Variants in PITPNM3 observed in about 807,000 individuals in gnomAD.
PITPNM3 encodes the protein PITPNM family member 3.
A neutral mutation model predicts 102.0 loss-of-function variants in PITPNM3; 26 were observed. The observed-to-expected ratio is 0.25, with a 90% CI of 0.19 to 0.35. The LOEUF (loss-of-function observed/expected upper bound fraction) is 0.35. PITPNM3 is among the 10% of genes least tolerant of loss of function. PITPNM3 has a pLI of 1.00. For missense variants in PITPNM3, 1,083 were observed against 1,346.1 expected, an observed-to-expected ratio of 0.80 and a Z score of 3.06; for synonymous variants, 578 against 558.6, an observed-to-expected ratio of 1.03 and a Z score of -0.49.
Position 6,556,179 on chromosome 17 carries a change from G to A in PITPNM3, c.22+206C>T, listed in dbSNP as rs1430268536. On this transcript the variant is annotated intron_variant, in intron 1 of 19. Coordinates refer to ENST00000262483, the MANE Select transcript of PITPNM3 (RefSeq NM_031220.4). The surrounding 1 kb of genome is among the most constrained non-coding windows in gnomAD (Gnocchi z 5.2). ...TGGAGAAGGGGACGCGGTGTCCCCCGAGGTGACCGGGGGCGCAGGAAGGAC... is the reference window on the plus strand; with the variant it reads ...TGGAGAAGGGGACGCGGTGTCCCCCAAGGTGACCGGGGGCGCAGGAAGGAC... Among the ~76,000 whole-genome samples the A allele has an allele frequency of 1.3e-5, 2 of 151,852 alleles. No homozygotes were observed. Among genetic ancestry groups the A allele is most frequent in the Admixed American group, 1.3e-4 (2 of 15,278 alleles).
chr17:6,531,598 T>A (rs187409648), intron 2 of PITPNM3, among the ~76,000 whole-genome samples: 1 of 152,330 alleles, frequency 6.6e-6, no homozygotes, highest in East Asian at 1.9e-4. Flanking sequence ...GAGTTCTGCA[T>A]CTCTGGCCTT....
intron 1 of PITPNM3, among the ~76,000 whole-genome samples, chr17:6,540,633 G>T (rs896233546): frequency 6.6e-6 from 1 of 151,932 alleles, no homozygotes. Context: ...TATTCTACTT[G>T]CTTTCAAAAT....
chr17:6,482,949 C>CT lies in PITPNM3; in HGVS notation c.587+567dup, dbSNP rs139179907. 8.6e-3 allele frequency among the ~76,000 whole-genome samples: 1,246 copies of CT among 144,278 alleles called. 7 individuals carry two copies. The highest frequency in any genetic ancestry group is 0.035 in the Middle Eastern group (10 of 282). 94.7% of individuals were successfully genotyped at this position (144,278 alleles called of 152,430 possible). A position where few individuals can be genotyped will look rare whatever the true frequency, so the allele number is the denominator to read the frequency against. On this transcript the variant is annotated intron_variant, in intron 6 of 19. Transcript: ENST00000262483. Reference sequence around the variant, plus strand: ...TAGCTAAACTCTCAACACTCCGTGTCTTTTTTTTTTTTTGAGACAGAGTCT... The same window carrying CT: ...TAGCTAAACTCTCAACACTCCGTGTCTTTTTTTTTTTTTTGAGACAGAGTCT...
At chr17:6,480,345 C>T (rs1024720200) in intron 6 of PITPNM3, 2 of 152,208 alleles carry the variant, frequency 1.3e-5, no homozygotes, top group African/African-American at 4.8e-5. Context: ...AAAGGAAGGC[C>T]CAGGGAAGGG....
At chr17:6,544,654 T>TCTCTCTCTCACA (rs376230474) in intron 1 of PITPNM3, among the ~76,000 whole-genome samples, 2,479 of 130,198 alleles carry the variant, frequency 0.019, 38 homozygotes, top group Admixed American at 0.055. Flanking sequence ...TCTCTCTCTC[T>TCTCTCTCTCACA]CACACACACA....
At chr17:6,552,231 G>T (rs1457744293) in intron 1 of PITPNM3, among the ~76,000 whole-genome samples, 1 of 152,196 alleles carries the variant, frequency 6.6e-6, no homozygotes, top group African/African-American at 2.4e-5. Flanking sequence ...TGTCTCTGCA[G>T]ATATTCCTGC....
intron 1 of PITPNM3, among the ~76,000 whole-genome samples, chr17:6,548,594 A>G (rs548479444): frequency 9.7e-4 from 148 of 152,146 alleles, no homozygotes; most frequent in African/African-American, 3.2e-3. Context: ...ACAATCAGAA[A>G]AGGTCAATGG....
chr17:6,519,395 C>T (rs938939072), intron 3 of PITPNM3, among the ~76,000 whole-genome samples: 1 of 148,602 alleles, frequency 6.7e-6, no homozygotes, highest in African/African-American at 2.5e-5. Flanking sequence ...TGGCGGGCAG[C>T]TGTAGTCCCA....
intron 4 of PITPNM3, among the ~76,000 whole-genome samples, chr17:6,495,632 G>T (rs374765831): frequency 6.6e-6 from 1 of 152,118 alleles, no homozygotes; most frequent in African/African-American, 2.4e-5. Flanking sequence ...CGTGCTCACC[G>T]CTGTGGACGA....
intron 1 of PITPNM3, among the ~76,000 whole-genome samples, chr17:6,550,323 T>G (rs986968970): frequency 6.6e-6 from 1 of 152,230 alleles, no homozygotes; most frequent in Non-Finnish European, 1.5e-5. Flanking sequence ...AAAATGGGAA[T>G]AACATTGGCT....
chr17:6,520,423 A>G (rs1382537744), intron 3 of PITPNM3, among the ~76,000 whole-genome samples: 1 of 152,212 alleles, frequency 6.6e-6, no homozygotes, highest in Non-Finnish European at 1.5e-5. Flanking sequence ...TATAGTAGAG[A>G]ATATTATAGT....
chr17:6,487,383 A>G (rs1029598250), intron 4 of PITPNM3, among the ~76,000 whole-genome samples: 1 of 152,084 alleles, frequency 6.6e-6, no homozygotes, highest in Admixed American at 6.5e-5. Context: ...GTTAGCGGCT[A>G]TTGTTATTAT....
At chr17:6,513,025 T>C (rs1200368872) in intron 3 of PITPNM3, among the ~76,000 whole-genome samples, 1 of 147,982 alleles carries the variant, frequency 6.8e-6, no homozygotes, top group East Asian at 2.0e-4. Flanking sequence ...ACCATATTGA[T>C]AGAATAAAAG....
rs771152807 is a variant in PITPNM3 at position 6,478,139 on chromosome 17, G to A, written c.778-42C>T. 6.2e-7 allele frequency: 1 copy of A among 1,610,382 alleles called. No individual in the cohort carries two copies. Among genetic ancestry groups the A allele is most frequent in the East Asian group, 2.2e-5 (1 of 44,876 alleles). On this transcript the variant is annotated intron_variant, in intron 7 of 19. Coordinates refer to ENST00000262483, the MANE Select transcript of PITPNM3 (RefSeq NM_031220.4). The surrounding 1 kb of genome is among the most constrained non-coding windows in gnomAD (Gnocchi z 4.4). ...TGGGACTGCAGGCCTGCCCACTGCT[G>A]ACCCCTCACCCCCACACCCGGCCAG...
At chr17:6,531,757 AG>A (rs1909159598) in intron 2 of PITPNM3, among the ~76,000 whole-genome samples, 2 of 152,280 alleles carry the variant, frequency 1.3e-5, no homozygotes, top group South Asian at 4.1e-4. Context: ...CACAGCACTG[AG>A]CCAGTGCCTC....
At chr17:6,494,187 A>T (rs976110817) in intron 4 of PITPNM3, among the ~76,000 whole-genome samples, 5 of 152,176 alleles carry the variant, frequency 3.3e-5, no homozygotes, top group Non-Finnish European at 7.3e-5. Flanking sequence ...TTCTCTCAAG[A>T]TGTAAGTGGA....
At chr17:6,548,888 T>C (rs1567698379) in intron 1 of PITPNM3, among the ~76,000 whole-genome samples, 1 of 152,090 alleles carries the variant, frequency 6.6e-6, no homozygotes, top group Non-Finnish European at 1.5e-5. Flanking sequence ...TATTTTTGCT[T>C]TCAACCCTTG....
At chr17:6,539,242 C>T (rs1286279401) in intron 1 of PITPNM3, among the ~76,000 whole-genome samples, 2 of 152,160 alleles carry the variant, frequency 1.3e-5, no homozygotes, top group African/African-American at 2.4e-5. Context: ...ACGTTCCACC[C>T]TCGGGCCCTG....
chr17:6,505,406 A>G (rs1907441056), intron 3 of PITPNM3, among the ~76,000 whole-genome samples: 1 of 151,988 alleles, frequency 6.6e-6, no homozygotes, highest in Admixed American at 6.6e-5. Context: ...AGCTCACAGC[A>G]CTCCCTAGAC....
Sources: gnomAD v4.1 joint callset for allele counts (sites outside exome capture counted in the v4.1 genomes callset) on GRCh38, gnomAD v4.1.1 for gene constraint, Gnocchi (gnomAD v3.1) non-coding constraint, MANE v1.5 for transcripts, NCBI Gene and HGNC (gene_info 2026-07-23, HGNC 2026-07-21) for gene names.